Variants in WIPF2 observed in about 807,000 individuals in gnomAD.
WIPF2 encodes WAS/WASL-interacting protein family member 2.
WIPF2 carries 23 observed loss-of-function variants against 38.8 expected under a neutral mutation model. That is an observed-to-expected ratio of 0.59 (90% CI 0.43 to 0.84). WIPF2 has a LOEUF of 0.84. Among genes scored for constraint, WIPF2 ranks in the 40% least tolerant of loss-of-function variants. WIPF2 has a pLI of 0.00. For synonymous variants in WIPF2, 210 were observed against 223.2 expected (o/e 0.94, Z 0.53); for missense variants, 574 against 580.5 (o/e 0.99, Z 0.11).
intron 5 of WIPF2, among the ~76,000 whole-genome samples, chr17:40,270,271 CAGG>C (rs1433172909): frequency 6.7e-6 from 1 of 148,956 alleles, no homozygotes; most frequent in Non-Finnish European, 1.5e-5. Context: ...GAGGCTGAGG[CAGG>C]AGAGTGGCAT....
chr17:40,220,573 G>GTGTGTATA (rs1431477384), intron 1 of WIPF2: 22 of 77,094 alleles, frequency 2.9e-4, no homozygotes, highest in Non-Finnish European at 4.2e-4. Flanking sequence ...GTGTGTGTGT[G>GTGTGTATA]TATATATATA....
intron 1 of WIPF2, among the ~76,000 whole-genome samples, chr17:40,251,738 G>A (rs556869526): frequency 6.6e-6 from 1 of 152,130 alleles, no homozygotes; most frequent in Non-Finnish European, 1.5e-5. Flanking sequence ...TGATGAGTCA[G>A]TTTTTCTCAT....
In WIPF2 at chr17:40,219,362, GGGCGGTGGCGGCGGCGGCGGC is replaced by G. The variant is rs1230653150; in HGVS notation, c.-194_-174del. The G allele has an allele frequency of 2.9e-5, 11 of 378,364 alleles. No individual in the cohort carries two copies. The highest frequency in any genetic ancestry group is 2.4e-4 in the African/African-American group (10 of 41,628). The allele number at this position is 378,364 out of a possible 1,614,324, so 23.4% of individuals were successfully genotyped here. ...AGATCCATTTCCGGGTTGGCAAAAG[GGGCGGTGGCGGCGGCGGCGGC>G]GGCGGCGGCGGCGGCGACGGCGAGA... On this transcript the variant is annotated 5_prime_UTR_variant, in exon 1 of 8. Coordinates refer to ENST00000323571, the MANE Select transcript of WIPF2 (RefSeq NM_133264.5).
intron 1 of WIPF2, among the ~76,000 whole-genome samples, chr17:40,235,210 A>C (rs2030918623): frequency 6.6e-6 from 1 of 151,950 alleles, no homozygotes; most frequent in South Asian, 2.1e-4. Flanking sequence ...TGCAAATCTT[A>C]AGTGTTGGTA....
intron 5 of WIPF2, among the ~76,000 whole-genome samples, chr17:40,273,067 T>G (rs2032292646): frequency 6.6e-6 from 1 of 152,166 alleles, no homozygotes; most frequent in Admixed American, 6.5e-5. Flanking sequence ...GGAGTCTCTC[T>G]CTGTTGCCCA....
chr17:40,264,738 G>C lies in WIPF2; in HGVS notation c.562G>C (p.Ala188Pro). 1 of 1,397,360 alleles carries C rather than the reference G, an allele frequency of 7.2e-7. No homozygotes were observed. The highest frequency in any genetic ancestry group is 2.9e-5 in the East Asian group (1 of 34,602). 86.6% of individuals were successfully genotyped at this position (1,397,360 alleles called of 1,614,324 possible). A position where few individuals can be genotyped will look rare whatever the true frequency, so the allele number is the denominator to read the frequency against. The change falls in exon 5 of 8, where the codon GCA (alanine) becomes CCA (proline). Residue 188 changes from alanine (A) to proline (P), a missense_variant. Physicochemically the swap from Ala to Pro is conservative, Grantham distance 27 (BLOSUM62 -1). Transcript: ENST00000323571. ...PPPPPGRRAN[A>P]PPTPLPMHSS... ...ACCACCCCCAGGGCGGCGTGCCAAC[G>C]CACCCCCCACACCTCTGCCTATGCA...
intron 6 of WIPF2, 130 bp downstream of exon 6, chr17:40,274,129 T>C (rs995313890): frequency 2.0e-5 from 14 of 700,030 alleles, no homozygotes; most frequent in Non-Finnish European, 2.7e-5. Flanking sequence ...ATAGTTCTCC[T>C]GCTGACTTCA....
At chr17:40,255,819 G>A (rs2031707431) in intron 1 of WIPF2, among the ~76,000 whole-genome samples, 1 of 148,832 alleles carries the variant, frequency 6.7e-6, no homozygotes, top group Non-Finnish European at 1.5e-5. Flanking sequence ...GTAGAGACGG[G>A]GTTTCACCAT....
At chr17:40,267,102 G>A (rs781417463) in intron 5 of WIPF2, among the ~76,000 whole-genome samples, 17 of 152,188 alleles carry the variant, frequency 1.1e-4, no homozygotes, top group Non-Finnish European at 2.4e-4. Flanking sequence ...GACTAGGGAA[G>A]TGTGCTCAGA....
intron 1 of WIPF2, among the ~76,000 whole-genome samples, chr17:40,241,464 G>A (rs1450719893): frequency 6.6e-6 from 1 of 152,182 alleles, no homozygotes; most frequent in Non-Finnish European, 1.5e-5. Flanking sequence ...GAATTAGCAT[G>A]TGTGTCTTTC....
intron 5 of WIPF2, among the ~76,000 whole-genome samples, chr17:40,269,996 T>C (rs2032201706): frequency 6.6e-6 from 1 of 152,102 alleles, no homozygotes; most frequent in Non-Finnish European, 1.5e-5. Context: ...AAAGCCTGTC[T>C]CCCATCCCAG....
chr17:40,278,318 C>T lies in WIPF2; in HGVS notation c.*93C>T. ...TTCCCCTGAAACCTGCATGAGAGCT[C>T]CTAACATGTTTCTCCAATGCAATCA... On this transcript the variant is annotated 3_prime_UTR_variant, in exon 8 of 8. Transcript: ENST00000323571. 6.9e-7 allele frequency: 1 copy of T among 1,450,464 alleles called. No individual in the cohort carries two copies. Among genetic ancestry groups the T allele is most frequent in the Non-Finnish European group, 9.5e-7 (1 of 1,052,934 alleles). The allele number at this position is 1,450,464 out of a possible 1,614,324, so 89.8% of individuals were successfully genotyped here. A position where few individuals can be genotyped will look rare whatever the true frequency, so the allele number is the denominator to read the frequency against.
At chr17:40,220,616 T>TA (rs2030181511) in intron 1 of WIPF2, 1 of 112,828 alleles carries the variant, frequency 8.9e-6, no homozygotes, top group Non-Finnish European at 1.8e-5. Flanking sequence ...TATATATATA[T>TA]ATGTATATAT....
Position 40,260,518 on chromosome 17 carries a change from T to C in WIPF2, c.64-17T>C. 6.2e-7 allele frequency: 1 copy of C among 1,613,074 alleles called. No individual in the cohort carries two copies. Among genetic ancestry groups the C allele is most frequent in the East Asian group, 2.2e-5 (1 of 44,822 alleles). ...GGGAACTCTTTAGGGTGAACTTATA[T>C]TTCTCTTATCCTCCAGGCAAACACA... On this transcript the variant is annotated splice_polypyrimidine_tract_variant and intron_variant, in intron 2 of 7. Coordinates refer to ENST00000323571, the MANE Select transcript of WIPF2 (RefSeq NM_133264.5).
In WIPF2 at chr17:40,264,647, G is replaced by A. The variant is rs781328877; in HGVS notation, c.471G>A (p.Pro157=). 8.1e-6 allele frequency: 13 copies of A among 1,613,670 alleles called. No homozygotes were observed. Among genetic ancestry groups the A allele is most frequent in the African/African-American group, 5.3e-5 (4 of 74,892 alleles). Residue 157 remains proline, a synonymous_variant, in exon 5 of 8, where the codon CCG becomes CCA. Transcript: ENST00000323571. ...ELPRMQRPSL[P]DLSRPNTTSS... is the part of the protein sequence containing the mutation. ...CCCGGATGCAGAGACCCTCTTTACC[G>A]GACCTCTCTCGGCCTAATACCACCA...
intron 1 of WIPF2, among the ~76,000 whole-genome samples, chr17:40,228,676 G>A (rs2030606566): frequency 6.6e-6 from 1 of 151,518 alleles, no homozygotes; most frequent in South Asian, 2.1e-4. Context: ...TCACCCAGGC[G>A]GGAATTTAGT....
chr17:40,274,127 C>A (rs2032321610), intron 6 of WIPF2, 128 bp downstream of exon 6: 2 of 709,318 alleles, frequency 2.8e-6, no homozygotes, highest in Non-Finnish European at 4.4e-6. Context: ...CAATAGTTCT[C>A]CTGCTGACTT....
intron 1 of WIPF2, among the ~76,000 whole-genome samples, chr17:40,243,733 C>G (rs989966840): frequency 7.9e-5 from 12 of 151,628 alleles, no homozygotes; most frequent in Non-Finnish European, 1.8e-4. Context: ...ATTGGCCAGG[C>G]TGGTCTAAAA....
chr17:40,255,170 A>T (rs969589330), intron 1 of WIPF2, among the ~76,000 whole-genome samples: 2 of 152,146 alleles, frequency 1.3e-5, no homozygotes, highest in Non-Finnish European at 2.9e-5. Context: ...TTAAAACTCA[A>T]CAATAAAAAA....
Sources: allele counts gnomAD v4.1 joint callset (sites outside exome capture counted in the v4.1 genomes callset), GRCh38; gene constraint gnomAD v4.1.1; transcripts MANE v1.5; gene names NCBI Gene and HGNC (gene_info 2026-07-23, HGNC 2026-07-21).